The following BIN1 variants were observed in gnomAD, a reference collection of about 807,000 sequenced individuals.
The protein encoded by BIN1 is bridging integrator 1.
BIN1 carries 53 observed loss-of-function variants against 82.0 expected under a neutral mutation model. That is an observed-to-expected ratio of 0.65 (90% CI 0.52 to 0.81). The LOEUF is 0.81. BIN1 is among the 40% of genes least tolerant of loss of function. BIN1 has a pLI of 0.00. For missense variants in BIN1, 642 were observed against 784.4 expected (o/e 0.82, Z 2.17); for synonymous variants, 302 against 328.0 (o/e 0.92, Z 0.86).
At chr2:127,087,671 CAT>C (rs1385854963) in intron 1 of BIN1, among the ~76,000 whole-genome samples, 1 of 152,234 alleles carries the variant, frequency 6.6e-6, no homozygotes, top group African/African-American at 2.4e-5. Flanking sequence ...CCAAAGACCA[CAT>C]GTGCTCCAAA....
Position 127,101,726 on chromosome 2 carries a change from T to G in BIN1, c.84+5134A>C, listed in dbSNP as rs1289019379. On this transcript the variant is annotated intron_variant, in intron 1 of 18. Coordinates refer to ENST00000316724, the MANE Select transcript of BIN1 (RefSeq NM_139343.3). ...CAGAGACAGAAAAAAACTTATAGTT[T>G]ATGGTGGGAGTAGTCAAGATTCACT... is the stretch of plus-strand genomic sequence containing the variant. 2.0e-5 allele frequency among the ~76,000 whole-genome samples: 3 copies of G among 152,282 alleles called. No individual in the cohort carries two copies. The East Asian group carries it at 5.8e-4, about 29-fold the overall frequency.
At chr2:127,050,775 T>G in intron 17 of BIN1, 27 bp downstream of exon 17, 2 of 1,608,256 alleles carry the variant, frequency 1.2e-6, no homozygotes, top group Non-Finnish European at 1.7e-6. Flanking sequence ...ACCGAGGGAC[T>G]GCAGCAGTCA....
chr2:127,077,856 C>T (rs186642637), intron 1 of BIN1, among the ~76,000 whole-genome samples: 2 of 152,302 alleles, frequency 1.3e-5, no homozygotes, highest in African/African-American at 4.8e-5. Flanking sequence ...GCAGAGGCCT[C>T]TCCCAGGCAG....
intron 1 of BIN1, among the ~76,000 whole-genome samples, chr2:127,105,733 G>A (rs1681015505): frequency 6.6e-6 from 1 of 152,196 alleles, no homozygotes; most frequent in African/African-American, 2.4e-5. Context: ...AAAAGTCATT[G>A]TTTATAAACA....
chr2:127,095,576 C>CATCT (rs1260977931), intron 1 of BIN1, among the ~76,000 whole-genome samples: 4 of 152,230 alleles, frequency 2.6e-5, no homozygotes, highest in African/African-American at 9.7e-5. Flanking sequence ...ACAATGAAGA[C>CATCT]ATCTGCACCT....
intron 5 of BIN1, among the ~76,000 whole-genome samples, chr2:127,069,456 A>G (rs923632477): frequency 6.6e-5 from 10 of 152,118 alleles, no homozygotes; most frequent in African/African-American, 2.4e-4. Context: ...CCAGGCTTCC[A>G]TGTGCACGTT....
At chr2:127,087,640 G>C (rs1022186801) in intron 1 of BIN1, among the ~76,000 whole-genome samples, 1 of 152,220 alleles carries the variant, frequency 6.6e-6, no homozygotes, top group Non-Finnish European at 1.5e-5. Context: ...CAGGACGGAC[G>C]GCAGAGCAGG....
rs115314490 is a variant in BIN1 at position 127,098,651 on chromosome 2, G to A, written c.84+8209C>T. ...CAACGGGGGCCGAAGGTGCAGGCCC[G>A]GGAAGCAGAGGGAAGAGGCTTTGCA... On this transcript the variant is annotated intron_variant, in intron 1 of 18. Transcript: ENST00000316724. Among the ~76,000 whole-genome samples the A allele has an allele frequency of 6.9e-3, 1,057 of 152,126 alleles. 11 individuals carry two copies. Among genetic ancestry groups the A allele is most frequent in the African/African-American group, 0.024 (980 of 41,492 alleles).
At chr2:127,100,775 G>A (rs895818776) in intron 1 of BIN1, among the ~76,000 whole-genome samples, 10 of 152,162 alleles carry the variant, frequency 6.6e-5, no homozygotes, top group Middle Eastern at 3.4e-3. Flanking sequence ...TCAGAAGCCC[G>A]GGTGCTGGGC....
Position 127,054,004 on chromosome 2 carries a change from G to A in BIN1, c.1140C>T (p.Ala380=). 6.4e-7 allele frequency: 1 copy of A among 1,551,226 alleles called. No homozygotes were observed. The highest frequency in any genetic ancestry group is 8.7e-7 in the Non-Finnish European group (1 of 1,146,902). The change falls in exon 13 of 19, where the codon GCC becomes GCT. Residue 380 remains alanine, a synonymous_variant. Coordinates refer to ENST00000316724, the MANE Select transcript of BIN1 (RefSeq NM_139343.3). ...TGGCCTGCTCCGAGAAAGGCCCCGG[G>A]GCCTCAAACTTGGCAGCAGCAGCAG... ...ISVTTPSQFE[A]PGPFSEQASL...
rs972264873 is a variant in BIN1, at chr2:127,067,026, A to G, written c.612+1137T>C. ...GTCAAGGCTGCAGTGAGTCATGATC[A>G]CACCACTGCACTCCAGCCAGGGGAA... On this transcript the variant is annotated intron_variant, in intron 7 of 18. Coordinates refer to ENST00000316724, the MANE Select transcript of BIN1 (RefSeq NM_139343.3). This position sits in a 1 kb window ranked among gnomAD's most constrained non-coding sequence, Gnocchi z 4.7. 7.9e-5 allele frequency among the ~76,000 whole-genome samples: 12 copies of G among 151,282 alleles called. No homozygotes were observed. Among genetic ancestry groups the G allele is most frequent in the Admixed American group, 7.9e-4 (12 of 15,206 alleles).
chr2:127,062,197 G>A lies in BIN1; in HGVS notation c.775C>T (p.Leu259Phe). 1 of 1,604,676 alleles carries A rather than the reference G, an allele frequency of 6.2e-7. No individual in the cohort carries two copies. Among genetic ancestry groups the A allele is most frequent in the African/African-American group, 1.3e-5 (1 of 74,952 alleles). Residue 259 changes from leucine to phenylalanine, a missense_variant and splice_region_variant, in exon 10 of 19, where the codon CTC becomes TTC. By Grantham distance (22) the Leu-to-Phe change is conservative. Transcript: ENST00000316724. ...EENFHKEMSK[L>F]NQNLNDVLVG... ...AGCACATCATTGAGGTTCTGGTTGA[G>A]CTGCAGGAGAGACAGTGAGGAGGTG...
At chr2:127,049,088 C>G (rs1323253609) in intron 18 of BIN1, among the ~76,000 whole-genome samples, 1 of 152,266 alleles carries the variant, frequency 6.6e-6, no homozygotes, top group Admixed American at 6.5e-5. Context: ...TGCTGACAGG[C>G]CCCTGGCCCC....
chr2:127,050,949 T>C, intron 16 of BIN1, 37 bp from the exon 17 acceptor site: 1 of 1,600,468 alleles, frequency 6.2e-7, no homozygotes, highest in East Asian at 2.2e-5. Context: ...AGCAGGGAGG[T>C]GGTCCAGGGA....
chr2:127,057,711 TC>T lies in BIN1; in HGVS notation c.1003-111del. ...CGGTTAGTCACACCTCAGGCCACAG[TC>T]CCACCCAGGCCACTGAGCAGGACGC... On this transcript the variant is annotated intron_variant, in intron 11 of 18. Transcript: ENST00000316724. This position sits in a 1 kb window ranked among gnomAD's most constrained non-coding sequence, Gnocchi z 5.0. 7.5e-7 allele frequency: 1 copy of T among 1,335,866 alleles called. No individual in the cohort carries two copies. The allele number at this position is 1,335,866 out of a possible 1,614,324, so 82.8% of individuals were successfully genotyped here. A position where few individuals can be genotyped will look rare whatever the true frequency, so the allele number is the denominator to read the frequency against.
chr2:127,053,548 C>T (rs753764530), intron 13 of BIN1, 103 bp from the exon 14 acceptor site: 42 of 1,468,624 alleles, frequency 2.9e-5, no homozygotes, highest in Non-Finnish European at 3.4e-5. Context: ...CCAGGCCATC[C>T]AGCCCAGCAG....
Position 127,067,979 on chromosome 2 carries a change from C to T in BIN1, c.612+184G>A, listed in dbSNP as rs923391112. 6.6e-6 allele frequency among the ~76,000 whole-genome samples: 1 copy of T among 152,152 alleles called. No homozygotes were observed. The highest frequency in any genetic ancestry group is 1.5e-5 in the Non-Finnish European group (1 of 68,030). ...CCCAGGTCACACAGAGCCCCTCAGC[C>T]GGTTCTTTGACCCCTACATTTGACT... On this transcript the variant is annotated intron_variant, in intron 7 of 18. Coordinates refer to ENST00000316724, the MANE Select transcript of BIN1 (RefSeq NM_139343.3). This position sits in a 1 kb window ranked among gnomAD's most constrained non-coding sequence, Gnocchi z 4.7.
intron 1 of BIN1, among the ~76,000 whole-genome samples, chr2:127,083,159 C>T (rs1159389302): frequency 6.6e-6 from 1 of 150,912 alleles, no homozygotes; most frequent in Non-Finnish European, 1.5e-5. Context: ...AATCATGGCT[C>T]ACAGTAGCCT....
chr2:127,061,084 C>A (rs1407500531), intron 10 of BIN1, among the ~76,000 whole-genome samples: 1 of 152,194 alleles, frequency 6.6e-6, no homozygotes, highest in African/African-American at 2.4e-5. Context: ...GCCAGGACGG[C>A]CCCACTTACC....
Sources: gnomAD v4.1 joint callset for allele counts (sites outside exome capture counted in the v4.1 genomes callset) on GRCh38, gnomAD v4.1.1 for gene constraint, Gnocchi (gnomAD v3.1) non-coding constraint, MANE v1.5 for transcripts, NCBI Gene and HGNC (gene_info 2026-07-23, HGNC 2026-07-21) for gene names.